The following GUCY1A2 variants were observed in gnomAD, a reference collection of about 807,000 sequenced individuals.
GUCY1A2 encodes the protein guanylate cyclase 1 soluble subunit alpha 2.
Under a neutral mutation model 63.5 loss-of-function variants are expected in GUCY1A2, and 27 were observed. That is an observed-to-expected ratio of 0.43 (90% CI 0.31 to 0.59). The LOEUF is 0.59. Among genes scored for constraint, GUCY1A2 ranks in the 20% least tolerant of loss-of-function variants. GUCY1A2 has a pLI of 0.11. For missense variants in GUCY1A2, 768 were observed against 913.3 expected (o/e 0.84, Z 2.05); for synonymous variants, 364 against 343.5 (o/e 1.06, Z -0.66).
rs180846604 is a variant in GUCY1A2 at position 106,978,824 on chromosome 11, G to A, written c.366-84C>T. 39 of 804,030 alleles carry A rather than the reference G, an allele frequency of 4.9e-5. No homozygotes were observed. The East Asian group carries it at 5.7e-4, about 12-fold the overall frequency. The allele number at this position is 804,030 out of a possible 1,614,324, so 49.8% of individuals were successfully genotyped here. On this transcript the variant is annotated intron_variant, in intron 2 of 7. Transcript: ENST00000526355. ...CTCATATACACACGCACAAGCACAC[G>A]CAGTCTATGCTTTCATCATAGTCAC...
chr11:106,972,140 A>T (rs944004016), intron 3 of GUCY1A2, among the ~76,000 whole-genome samples: 5 of 152,198 alleles, frequency 3.3e-5, no homozygotes, highest in African/African-American at 1.2e-4. Flanking sequence ...ACTAAATGTA[A>T]TGTGAAATGA....
chr11:106,769,392 A>T lies in GUCY1A2; in HGVS notation c.1836+7047T>A, dbSNP rs565578623. On this transcript the variant is annotated intron_variant, in intron 6 of 7. Transcript: ENST00000526355. ...CATCAAGTGGATGAGTTTAATCAAT[A>T]ATTTTTACAACCAACTGAGGGAAGT... Among the ~76,000 whole-genome samples the T allele has an allele frequency of 7.2e-4, 110 of 152,290 alleles. 1 individual carries two copies. The South Asian group carries it at 0.022, about 30-fold the overall frequency.
rs1285745776 is a variant in GUCY1A2 at position 106,940,047 on chromosome 11, A to G, written c.619T>C (p.Leu207=). The change falls in exon 4 of 8, where the codon TTG becomes CTG. Residue 207 remains leucine, a synonymous_variant. Transcript: ENST00000526355. Reference sequence around the variant, plus strand: ...CCAAAAGAAGTTCTAATGTGTTCCAACAAAGCATCAAAGCCGTTAAAAAAG... The same window carrying G: ...CCAAAAGAAGTTCTAATGTGTTCCAGCAAAGCATCAAAGCCGTTAAAAAAG... ...QDFFNGFDAL[L]EHIRTSFGKQ... 1 of 1,613,938 alleles carries G rather than the reference A, an allele frequency of 6.2e-7. No homozygotes were observed. The highest frequency in any genetic ancestry group is 8.5e-7 in the Non-Finnish European group (1 of 1,179,822).
intron 4 of GUCY1A2, among the ~76,000 whole-genome samples, chr11:106,884,827 T>TA (rs1207062809): frequency 2.0e-5 from 3 of 152,060 alleles, no homozygotes; most frequent in Non-Finnish European, 2.9e-5. Flanking sequence ...AACCCTTCAT[T>TA]AGTGGTCAAA....
At chr11:106,719,610 T>C (rs1272810421) in intron 6 of GUCY1A2, among the ~76,000 whole-genome samples, 1 of 152,198 alleles carries the variant, frequency 6.6e-6, no homozygotes, top group Admixed American at 6.6e-5. Flanking sequence ...GCTAAGTTTA[T>C]GCTGCAGAAT....
chr11:107,000,881 G>A (rs1369315804), intron 1 of GUCY1A2, among the ~76,000 whole-genome samples: 1 of 152,022 alleles, frequency 6.6e-6, no homozygotes, highest in African/African-American at 2.4e-5. Flanking sequence ...ATCACACAAG[G>A]GAAAGAAATG....
intron 4 of GUCY1A2, among the ~76,000 whole-genome samples, chr11:106,928,314 CAT>C (rs1004450447): frequency 1.1e-4 from 16 of 152,262 alleles, no homozygotes; most frequent in South Asian, 1.0e-3. Context: ...AGAACCTACA[CAT>C]GTTATTACAA....
intron 3 of GUCY1A2, among the ~76,000 whole-genome samples, chr11:106,964,483 T>TA (rs1488454053): frequency 1.3e-5 from 2 of 152,102 alleles, no homozygotes; most frequent in African/African-American, 4.8e-5. Context: ...TGTAAACAAT[T>TA]AGGAAGCACA....
rs561528052 is a variant in GUCY1A2 at position 106,808,359 on chromosome 11, T to C, written c.1692+1634A>G. Among the ~76,000 whole-genome samples the C allele has an allele frequency of 1.4e-4, 22 of 152,216 alleles. 1 individual carries two copies. Among genetic ancestry groups the C allele is most frequent in the African/African-American group, 4.8e-4 (20 of 41,550 alleles). ...TATGAAACTGTCCACGGTTTAATAATATATAGGAAAATTTGAAGATCATAC... is the reference window on the plus strand; with the variant it reads ...TATGAAACTGTCCACGGTTTAATAACATATAGGAAAATTTGAAGATCATAC... On this transcript the variant is annotated intron_variant, in intron 5 of 7. Coordinates refer to ENST00000526355, the MANE Select transcript of GUCY1A2 (RefSeq NM_000855.3).
chr11:106,825,390 T>C (rs191034999), intron 4 of GUCY1A2, among the ~76,000 whole-genome samples: 1,953 of 151,402 alleles, frequency 0.013, 22 homozygotes, highest in South Asian at 0.049. Flanking sequence ...TGAGCCACAT[T>C]GGAAGAAGAA....
intron 7 of GUCY1A2, among the ~76,000 whole-genome samples, chr11:106,690,397 T>C (rs1484950468): frequency 6.6e-6 from 1 of 152,160 alleles, no homozygotes. Flanking sequence ...TGGAGGCCAT[T>C]ATCATTAGCA....
At chr11:106,947,099 C>A (rs1341252414) in intron 3 of GUCY1A2, among the ~76,000 whole-genome samples, 1 of 151,782 alleles carries the variant, frequency 6.6e-6, no homozygotes, top group Non-Finnish European at 1.5e-5. Flanking sequence ...TTCCTGTAAT[C>A]CCAGCTACTC....
intron 4 of GUCY1A2, among the ~76,000 whole-genome samples, chr11:106,915,756 T>A (rs915103923): frequency 1.1e-4 from 16 of 145,036 alleles, no homozygotes; most frequent in African/African-American, 3.4e-4. Context: ...AAAAGAACTA[T>A]GTCTGATTTT....
At chr11:106,828,466 ATTGT>A (rs1859007340) in intron 4 of GUCY1A2, among the ~76,000 whole-genome samples, 2 of 151,866 alleles carry the variant, frequency 1.3e-5, no homozygotes, top group Non-Finnish European at 2.9e-5. Context: ...TCCTTTCCCT[ATTGT>A]TTATTTTTGT....
At position 106,717,094 on chromosome 11, in the gene GUCY1A2, G is replaced by T. The variant is rs146558323; in HGVS notation, c.1837-8428C>A. Among the ~76,000 whole-genome samples the T allele has an allele frequency of 2.4e-3, 372 of 152,268 alleles. 2 individuals carry two copies. The highest frequency in any genetic ancestry group is 8.7e-3 in the African/African-American group (360 of 41,556). Reference sequence around the variant, plus strand: ...CTTAGAGAGCTAGTCCTACTTCTGGGCTTCTGTTATTTGAGTCAGTGGATT... The same window carrying T: ...CTTAGAGAGCTAGTCCTACTTCTGGTCTTCTGTTATTTGAGTCAGTGGATT... On this transcript the variant is annotated intron_variant, in intron 6 of 7. Transcript: ENST00000526355.
At chr11:106,701,941 G>GT (rs1180134762) in intron 7 of GUCY1A2, among the ~76,000 whole-genome samples, 1 of 148,336 alleles carries the variant, frequency 6.7e-6, no homozygotes, top group Non-Finnish European at 1.5e-5. Flanking sequence ...AGTAATTATT[G>GT]TTTTTTTCCA....
At chr11:106,782,752 C>A (rs1223520755) in intron 5 of GUCY1A2, among the ~76,000 whole-genome samples, 1 of 137,314 alleles carries the variant, frequency 7.3e-6, no homozygotes, top group Non-Finnish European at 1.6e-5. Flanking sequence ...AAAGGTTGGC[C>A]AGGAAACACA....
At chr11:106,814,356 G>A (rs1858803747) in intron 4 of GUCY1A2, among the ~76,000 whole-genome samples, 1 of 152,048 alleles carries the variant, frequency 6.6e-6, no homozygotes, top group African/African-American at 2.4e-5. Flanking sequence ...TTCCAGAAGG[G>A]CCACTGCTCT....
chr11:106,974,440 G>T (rs1861236507), intron 3 of GUCY1A2, among the ~76,000 whole-genome samples: 1 of 151,752 alleles, frequency 6.6e-6, no homozygotes, highest in Admixed American at 6.6e-5. Flanking sequence ...TAATTAAAAG[G>T]CTCCTAAATA....
Sources: gnomAD v4.1 joint callset for allele counts (sites outside exome capture counted in the v4.1 genomes callset) on GRCh38, gnomAD v4.1.1 for gene constraint, MANE v1.5 for transcripts, NCBI Gene and HGNC (gene_info 2026-07-23, HGNC 2026-07-21) for gene names.